SWT1: variants seen among roughly 807,000 people sequenced by gnomAD.
The protein encoded by SWT1 is transcriptional protein SWT1.
SWT1 carries 33 observed loss-of-function variants against 107.3 expected under a neutral mutation model. The ratio of observed to expected loss-of-function variants is 0.31; its 90% CI spans 0.23 to 0.41. The LOEUF is 0.41. Ranked by LOEUF, SWT1 falls within the 10% of genes least tolerant of loss-of-function variation. The pLI, the probability that SWT1 is intolerant of heterozygous loss-of-function variation, is 1.00. For missense variants in SWT1, 898 were observed against 1,028.9 expected (o/e 0.87, Z 1.74); for synonymous variants, 345 against 348.3 (o/e 0.99, Z 0.11).
Position 185,276,686 on chromosome 1 carries a change from A to G in SWT1, c.2573+18A>G, listed in dbSNP as rs751801011. 2 of 1,396,970 alleles carry G rather than the reference A, an allele frequency of 1.4e-6. No homozygotes were observed. The highest frequency in any genetic ancestry group is 2.3e-5 in the East Asian group (1 of 42,652). 86.5% of individuals were successfully genotyped at this position (1,396,970 alleles called of 1,614,324 possible). ...GAGTATAGGTAAGTCATATCTATAT[A>G]TAGATATAAACCATTGTAACAAGCT... On this transcript the variant is annotated intron_variant, in intron 18 of 18. Coordinates refer to ENST00000367500, the MANE Select transcript of SWT1 (RefSeq NM_017673.7).
At chr1:185,201,807 C>G (rs558012440) in intron 10 of SWT1, among the ~76,000 whole-genome samples, 1 of 152,178 alleles carries the variant, frequency 6.6e-6, no homozygotes, top group South Asian at 2.1e-4. Flanking sequence ...ACTTGTCACA[C>G]TTGATGAATT....
chr1:185,239,405 A>G (rs150047498), intron 16 of SWT1, among the ~76,000 whole-genome samples: 140 of 152,250 alleles, frequency 9.2e-4, no homozygotes, highest in African/African-American at 3.1e-3. Context: ...AGAAAACTCT[A>G]AACATGATTG....
rs1452403920 is a variant in SWT1 at position 185,291,243 on chromosome 1, CA to C, written c.*443del. 6.5e-6 allele frequency: 1 copy of C among 152,694 alleles called. No individual in the cohort carries two copies. Among genetic ancestry groups the C allele is most frequent in the Non-Finnish European group, 1.5e-5 (1 of 68,110 alleles). The allele number at this position is 152,694 out of a possible 1,614,324, so 9.5% of individuals were successfully genotyped here. On this transcript the variant is annotated 3_prime_UTR_variant, in exon 19 of 19. Coordinates refer to ENST00000367500, the MANE Select transcript of SWT1 (RefSeq NM_017673.7). ...GCATGATCATGCTCACCATATTTCA[CA>C]AATGAAATCTTAATGTGGGCTGTTT...
rs1411644566 is a variant in SWT1 at position 185,279,238 on chromosome 1, A to G, written c.2573+2570A>G. 2.0e-5 allele frequency among the ~76,000 whole-genome samples: 3 copies of G among 152,278 alleles called. No homozygotes were observed. In the East Asian group the frequency reaches 5.8e-4, roughly 29 times the overall value. ...TCTTCCAACCTTAGCCGTATTTTTT[A>G]GTGTAAAAAGCTTATTGTAGATACA... On this transcript the variant is annotated intron_variant, in intron 18 of 18. Transcript: ENST00000367500.
In SWT1 at chr1:185,204,723, T is replaced by C. The variant is rs766679522; in HGVS notation, c.1693T>C (p.Tyr565His). Residue 565 changes from tyrosine to histidine, a missense_variant, in exon 12 of 19, where the codon TAT (tyrosine) becomes CAT (histidine). By Grantham distance (83) the Tyr-to-His change is moderately conservative. This residue lies in a region of SWT1 where 382 missense variants were observed against 460.0 expected (regional missense o/e 0.83). Transcript: ENST00000367500. ...KAETTPLKES[Y>H]KEESTNSGLS... The stretch of plus-strand genomic sequence containing the variant: ...AGAAACAACACCCTTGAAAGAGAGC[T>C]ATAAGGAGGAATCTACAAATTCTGG... 1.3e-6 allele frequency: 2 copies of C among 1,589,090 alleles called. No homozygotes were observed.
chr1:185,227,439 C>T (rs1252962275), intron 15 of SWT1: 1 of 633,426 alleles, frequency 1.6e-6, no homozygotes, highest in Non-Finnish European at 2.9e-6. Flanking sequence ...AGCCTTCATA[C>T]CATTATTTTG....
chr1:185,273,079 A>T (rs956266454), intron 17 of SWT1, among the ~76,000 whole-genome samples: 1 of 151,902 alleles, frequency 6.6e-6, no homozygotes, highest in African/African-American at 2.4e-5. Context: ...TATTTAAGCA[A>T]TGAATGGTGT....
chr1:185,242,505 C>T (rs972645838), intron 16 of SWT1, among the ~76,000 whole-genome samples: 9 of 152,236 alleles, frequency 5.9e-5, no homozygotes, highest in African/African-American at 1.9e-4. Context: ...GTAACCTCCG[C>T]TGATACTTAT....
At chr1:185,192,742 G>A (rs574967527) in intron 10 of SWT1, among the ~76,000 whole-genome samples, 1 of 151,738 alleles carries the variant, frequency 6.6e-6, no homozygotes, top group Non-Finnish European at 1.5e-5. Flanking sequence ...CTGCCTCTTG[G>A]GTTCAAGCGA....
rs149801758 is a variant in SWT1 at position 185,231,396 on chromosome 1, C to T, written c.2310-181C>T. On this transcript the variant is annotated intron_variant, in intron 15 of 18. Transcript: ENST00000367500. ...TATAGTGTCTGAACTAGATCCTTTACATGAATCTTATCCCAGACTTTCGTA... is the reference window on the plus strand; with the variant it reads ...TATAGTGTCTGAACTAGATCCTTTATATGAATCTTATCCCAGACTTTCGTA... Among the ~76,000 whole-genome samples the T allele has an allele frequency of 6.6e-3, 1,007 of 152,286 alleles. 8 individuals are homozygous for T. The highest frequency in any genetic ancestry group is 0.02 in the Middle Eastern group (6 of 294).
intron 16 of SWT1, among the ~76,000 whole-genome samples, chr1:185,232,296 G>A (rs1660559152): frequency 1.3e-5 from 2 of 152,040 alleles, no homozygotes; most frequent in Non-Finnish European, 1.5e-5. Flanking sequence ...AATAAGTGTG[G>A]CTCCATAAGG....
intron 6 of SWT1, 128 bp downstream of exon 6, chr1:185,180,578 A>C: frequency 7.1e-6 from 5 of 707,434 alleles, no homozygotes; most frequent in Non-Finnish European, 1.2e-5. Flanking sequence ...ATTTAAATCA[A>C]TATGTAAGGT....
At chr1:185,225,028 C>T (rs1025023705) in intron 15 of SWT1, among the ~76,000 whole-genome samples, 3 of 151,570 alleles carry the variant, frequency 2.0e-5, no homozygotes, top group Non-Finnish European at 4.4e-5. Context: ...GTTCTTGTTC[C>T]TTCAGTATGA....
At chr1:185,255,729 T>C (rs1199019768) in intron 16 of SWT1, among the ~76,000 whole-genome samples, 1 of 146,664 alleles carries the variant, frequency 6.8e-6, no homozygotes, top group African/African-American at 2.6e-5. Flanking sequence ...CTTGACTCTT[T>C]ATCCAATTTG....
chr1:185,254,144 G>A (rs1192435181), intron 16 of SWT1, among the ~76,000 whole-genome samples: 1 of 107,886 alleles, frequency 9.3e-6, no homozygotes, highest in East Asian at 2.7e-4. Flanking sequence ...TGATCATGGT[G>A]GATAAGCTTT....
intron 18 of SWT1, among the ~76,000 whole-genome samples, chr1:185,288,542 A>G (rs1665077695): frequency 6.6e-6 from 1 of 152,192 alleles, no homozygotes; most frequent in South Asian, 2.1e-4. Context: ...CTCTCCATCA[A>G]GAGATCTGTC....
At chr1:185,159,764 C>T (rs1024783579) in intron 1 of SWT1, among the ~76,000 whole-genome samples, 2 of 152,006 alleles carry the variant, frequency 1.3e-5, no homozygotes, top group African/African-American at 4.8e-5. Flanking sequence ...TCGCACTTGT[C>T]ACCCAGGCTG....
intron 16 of SWT1, among the ~76,000 whole-genome samples, chr1:185,270,566 G>A (rs1406594338): frequency 2.6e-5 from 4 of 152,092 alleles, no homozygotes; most frequent in East Asian, 1.9e-4. Flanking sequence ...ATATTAGCCC[G>A]ACTTGGTGGC....
intron 6 of SWT1, 118 bp downstream of exon 6, chr1:185,180,568 A>G (rs1655939423): frequency 9.6e-6 from 7 of 727,420 alleles, no homozygotes; most frequent in Non-Finnish European, 1.4e-5. Flanking sequence ...TGATGTCTCT[A>G]TTTAAATCAA....
Sources: allele counts gnomAD v4.1 joint callset (sites outside exome capture counted in the v4.1 genomes callset), GRCh38; gene constraint gnomAD v4.1.1; regional missense constraint gnomAD v4.1.1; transcripts MANE v1.5; gene names NCBI Gene and HGNC (gene_info 2026-07-23, HGNC 2026-07-21).